Variants in USP34 observed in about 807,000 individuals in gnomAD.
The protein encoded by USP34 is ubiquitin carboxyl-terminal hydrolase 34.
USP34 carries 70 observed loss-of-function variants against 460.3 expected under a neutral mutation model. The ratio of observed to expected loss-of-function variants is 0.15; its 90% CI spans 0.13 to 0.19. The LOEUF is 0.19. Among genes scored for constraint, USP34 ranks in the 10% least tolerant of loss-of-function variants. USP34 has a pLI of 1.00. For synonymous variants in USP34, 1,647 were observed against 1,405.3 expected (o/e 1.17, Z -3.85); for missense variants, 3,985 against 4,236.2 (o/e 0.94, Z 1.65).
intron 43 of USP34, among the ~76,000 whole-genome samples, chr2:61,262,789 C>T (rs112141001): frequency 5.1e-4 from 78 of 152,354 alleles, no homozygotes; most frequent in Non-Finnish European, 1.0e-3. Flanking sequence ...AACTAATTTA[C>T]ATTTCCATCA....
At chr2:61,341,888 G>C (rs866358764) in intron 16 of USP34, among the ~76,000 whole-genome samples, 9 of 149,482 alleles carry the variant, frequency 6.0e-5, no homozygotes, top group Non-Finnish European at 1.2e-4. Context: ...TCAGCGTCCC[G>C]AGTAGCTGGG....
intron 33 of USP34, among the ~76,000 whole-genome samples, chr2:61,289,668 G>A (rs539179087): frequency 6.6e-6 from 1 of 151,928 alleles, no homozygotes; most frequent in East Asian, 1.9e-4. Context: ...TGAACCGAAA[G>A]AAAGACAGCA....
chr2:61,321,094 C>T (rs897293345), intron 21 of USP34, among the ~76,000 whole-genome samples: 2 of 151,836 alleles, frequency 1.3e-5, no homozygotes, highest in Admixed American at 6.6e-5. Flanking sequence ...GAAGGCTCTT[C>T]GAGCCCAGGA....
intron 1 of USP34, among the ~76,000 whole-genome samples, chr2:61,465,807 C>G (rs980637785): frequency 1.3e-4 from 20 of 151,956 alleles, no homozygotes; most frequent in African/African-American, 4.8e-4. Context: ...GAAACCCCAT[C>G]TCTACTAAAT....
chr2:61,199,716 A>T (rs1351150723), intron 75 of USP34, among the ~76,000 whole-genome samples: 1 of 152,142 alleles, frequency 6.6e-6, no homozygotes, highest in African/African-American at 2.4e-5. Context: ...CCAAGTCCTC[A>T]TGTATCTTTA....
chr2:61,427,453 G>T (rs143360041), intron 1 of USP34, among the ~76,000 whole-genome samples: 1 of 152,150 alleles, frequency 6.6e-6, no homozygotes, highest in African/African-American at 2.4e-5. Flanking sequence ...TAGCATCAAC[G>T]CCATCCAGGA....
intron 75 of USP34, among the ~76,000 whole-genome samples, chr2:61,195,927 A>T (rs72884983): frequency 8.4e-4 from 127 of 151,656 alleles, no homozygotes; most frequent in African/African-American, 2.8e-3. Flanking sequence ...TTTTTTTGAG[A>T]CAAGGTCTGG....
At chr2:61,248,133 T>C (rs948961568) in intron 49 of USP34, among the ~76,000 whole-genome samples, 6 of 136,632 alleles carry the variant, frequency 4.4e-5, no homozygotes, top group African/African-American at 1.7e-4. Flanking sequence ...TGAGCCAAGA[T>C]CATGCCACTG....
In USP34 at chr2:61,405,804, A is replaced by T; in HGVS notation, c.456T>A (p.Asp152Glu). 5 of 1,612,936 alleles carry T rather than the reference A, an allele frequency of 3.1e-6. No individual in the cohort carries two copies. Among genetic ancestry groups the T allele is most frequent in the Non-Finnish European group, 4.2e-6 (5 of 1,179,696 alleles). ...SSDPFSLWST[D>E]EKEKLLLCVA... ...CACATAGTAAGAGTTTTTCCTTCTCATCTGTACTCCATAAACTAAAAGGAT... is the reference window on the plus strand; with the variant it reads ...CACATAGTAAGAGTTTTTCCTTCTCTTCTGTACTCCATAAACTAAAAGGAT... The change falls in exon 3 of 80, where the codon GAT becomes GAA. Residue 152 changes from aspartate to glutamate, a missense_variant. Physicochemically the swap from Asp to Glu is conservative, Grantham distance 45. Coordinates refer to ENST00000398571, the MANE Select transcript of USP34 (RefSeq NM_014709.4).
intron 8 of USP34, among the ~76,000 whole-genome samples, chr2:61,374,469 A>G (rs1558557150): frequency 1.3e-5 from 2 of 152,188 alleles, no homozygotes; most frequent in Non-Finnish European, 2.9e-5. Flanking sequence ...ACAGACATGC[A>G]CATAGCAGTG....
chr2:61,232,576 T>G, intron 57 of USP34, 44 bp from the exon 58 acceptor site: 2 of 1,436,888 alleles, frequency 1.4e-6, no homozygotes, highest in Non-Finnish European at 1.9e-6. Flanking sequence ...TCAACAAATA[T>G]TTGTTACATG....
intron 7 of USP34, 103 bp downstream of exon 7, chr2:61,380,066 T>C (rs1205014470): frequency 2.1e-6 from 2 of 935,654 alleles, no homozygotes; most frequent in East Asian, 2.6e-5. Flanking sequence ...ATAAAATACT[T>C]AGCACAATGC....
At chr2:61,404,993 C>A (rs959903142) in intron 3 of USP34, among the ~76,000 whole-genome samples, 7 of 151,540 alleles carry the variant, frequency 4.6e-5, no homozygotes, top group Admixed American at 2.0e-4. Flanking sequence ...TTTGGGAGGC[C>A]GAGGTGGGCA....
intron 58 of USP34, 50 bp downstream of exon 58, chr2:61,232,401 TG>T (rs759698354): frequency 3.5e-6 from 5 of 1,414,362 alleles, no homozygotes; most frequent in Non-Finnish European, 5.0e-6. Flanking sequence ...ATAATTAAAT[TG>T]AAAGTAACTT....
At chr2:61,290,128 G>T (rs985338271) in intron 33 of USP34, among the ~76,000 whole-genome samples, 9 of 151,944 alleles carry the variant, frequency 5.9e-5, no homozygotes, top group South Asian at 2.1e-4. Flanking sequence ...AATGAAGGAA[G>T]GACAAGTGAA....
chr2:61,245,771 AT>A (rs34674412), intron 50 of USP34, among the ~76,000 whole-genome samples: 33,003 of 152,074 alleles, frequency 0.22, 3,652 homozygotes, highest in South Asian at 0.33. Flanking sequence ...ACAATTGTAC[AT>A]TTTCTTCAAA....
chr2:61,426,150 G>A (rs1003812360), intron 1 of USP34, among the ~76,000 whole-genome samples: 1 of 152,130 alleles, frequency 6.6e-6, no homozygotes, highest in East Asian at 1.9e-4. Context: ...GCTGGCTTCA[G>A]TGAGATTCAG....
chr2:61,443,056 T>C (rs1397887594), intron 1 of USP34, among the ~76,000 whole-genome samples: 1 of 88,314 alleles, frequency 1.1e-5, no homozygotes, highest in Non-Finnish European at 2.4e-5. Context: ...ACACCATAAG[T>C]TCTTACTCAT....
At chr2:61,371,531 T>C (rs915279258) in intron 8 of USP34, among the ~76,000 whole-genome samples, 3 of 152,006 alleles carry the variant, frequency 2.0e-5, no homozygotes, top group African/African-American at 7.2e-5. Flanking sequence ...GTGTTTGTGT[T>C]TTAAATGTTA....
Sources: allele counts gnomAD v4.1 joint callset (sites outside exome capture counted in the v4.1 genomes callset), GRCh38; gene constraint gnomAD v4.1.1; transcripts MANE v1.5; gene names NCBI Gene and HGNC (gene_info 2026-07-23, HGNC 2026-07-21).